The following LRRC4C variants were observed in gnomAD, a reference collection of about 807,000 sequenced individuals.
LRRC4C encodes the protein leucine rich repeat containing 4C.
LRRC4C carries 5 observed loss-of-function variants against 33.6 expected under a neutral mutation model. The observed-to-expected ratio is 0.15, with a 90% CI of 0.08 to 0.31. LRRC4C has a LOEUF of 0.31. LRRC4C is among the 10% of genes least tolerant of loss of function. The pLI is 1.00. For missense variants in LRRC4C, 560 were observed against 796.7 expected (o/e 0.70, Z 3.58); for synonymous variants, 329 against 302.0 (o/e 1.09, Z -0.93).
chr11:40,881,029 G>A (rs1325304633), intron 2 of LRRC4C, among the ~76,000 whole-genome samples: 1 of 151,886 alleles, frequency 6.6e-6, no homozygotes. Flanking sequence ...CATTATGAGA[G>A]TCTGAATTCA....
chr11:41,020,164 G>A (rs1855863601), intron 1 of LRRC4C, among the ~76,000 whole-genome samples: 1 of 152,026 alleles, frequency 6.6e-6, no homozygotes, highest in Non-Finnish European at 1.5e-5. Context: ...TTTCCAATTT[G>A]TTTTGTGAAT....
At chr11:40,280,362 A>G (rs1342783452) in intron 4 of LRRC4C, among the ~76,000 whole-genome samples, 3 of 152,248 alleles carry the variant, frequency 2.0e-5, no homozygotes, top group African/African-American at 7.2e-5. Context: ...ATGCCGGGAT[A>G]TGAAAGGCTC....
chr11:41,225,616 T>A (rs1947498718), intron 1 of LRRC4C, among the ~76,000 whole-genome samples: 2 of 152,176 alleles, frequency 1.3e-5, no homozygotes, highest in Admixed American at 1.3e-4. Context: ...CTGGGCAACA[T>A]AGTAAGACCC....
At chr11:40,725,158 T>G (rs938742997) in intron 2 of LRRC4C, among the ~76,000 whole-genome samples, 1 of 152,188 alleles carries the variant, frequency 6.6e-6, no homozygotes, top group African/African-American at 2.4e-5. Flanking sequence ...CTAGCATTCC[T>G]GATAAGAACC....
intron 3 of LRRC4C, among the ~76,000 whole-genome samples, chr11:40,483,097 G>C (rs1953672415): frequency 6.6e-6 from 1 of 152,136 alleles, no homozygotes. Flanking sequence ...AGGCACAAGG[G>C]AAACCCTTTT....
chr11:40,936,084 A>G, intron 1 of LRRC4C, among the ~76,000 whole-genome samples: 1 of 116,886 alleles, frequency 8.6e-6, no homozygotes, highest in African/African-American at 3.1e-5. Context: ...TTGAACCTTA[A>G]CTCTGTCCTG....
intron 1 of LRRC4C, among the ~76,000 whole-genome samples, chr11:41,164,507 A>G (rs931634956): frequency 6.6e-6 from 1 of 152,214 alleles, no homozygotes; most frequent in African/African-American, 2.4e-5. Context: ...CCAATAACAT[A>G]GTAATTTACT....
intron 1 of LRRC4C, among the ~76,000 whole-genome samples, chr11:41,175,629 G>A (rs1354715819): frequency 6.6e-6 from 1 of 152,012 alleles, no homozygotes; most frequent in East Asian, 1.9e-4. Flanking sequence ...CAAGAGGGTG[G>A]ATAAATTCAA....
intron 1 of LRRC4C, among the ~76,000 whole-genome samples, chr11:41,098,909 G>GA (rs1008832519): frequency 9.9e-5 from 15 of 151,452 alleles, no homozygotes; most frequent in South Asian, 2.1e-4. Flanking sequence ...ATGGTTTTCT[G>GA]AAAAAAAATT....
chr11:41,426,357 C>T (rs1288255360), intron 1 of LRRC4C: 1 of 152,204 alleles, frequency 6.6e-6, no homozygotes, highest in East Asian at 1.9e-4. Context: ...GTTATTACCT[C>T]CTTGCTGATT....
intron 3 of LRRC4C, among the ~76,000 whole-genome samples, chr11:40,377,077 C>T (rs1177479755): frequency 1.3e-5 from 2 of 151,986 alleles, no homozygotes; most frequent in African/African-American, 4.8e-5. Context: ...ATAAATAGCA[C>T]AGCATGAGAG....
intron 3 of LRRC4C, among the ~76,000 whole-genome samples, chr11:40,390,063 TC>T (rs1949277170): frequency 6.6e-6 from 1 of 152,200 alleles, no homozygotes; most frequent in Non-Finnish European, 1.5e-5. Flanking sequence ...AATTTATGCC[TC>T]TATTTATAGG....
chr11:40,251,261 A>G (rs1354259303), intron 4 of LRRC4C, among the ~76,000 whole-genome samples: 2 of 152,178 alleles, frequency 1.3e-5, no homozygotes, highest in Non-Finnish European at 2.9e-5. Flanking sequence ...ACTATGAAAT[A>G]TAGATTATTC....
chr11:41,247,408 T>C (rs1461581505), intron 1 of LRRC4C, among the ~76,000 whole-genome samples: 2 of 152,256 alleles, frequency 1.3e-5, no homozygotes. Flanking sequence ...TGCTTTTCAA[T>C]GTCTACTTAA....
intron 2 of LRRC4C, among the ~76,000 whole-genome samples, chr11:40,706,478 A>G (rs548623751): frequency 1.5e-3 from 225 of 152,258 alleles, no homozygotes; most frequent in Middle Eastern, 0.01. Flanking sequence ...TCCTTTCCCC[A>G]TTGCTTGTTT....
chr11:40,236,696 C>A (rs912611696), intron 5 of LRRC4C, among the ~76,000 whole-genome samples: 4 of 152,082 alleles, frequency 2.6e-5, no homozygotes, highest in Non-Finnish European at 1.5e-5. Flanking sequence ...GTTGGAATGG[C>A]AAAGCCATTA....
chr11:40,452,858 A>T (rs962185441), intron 3 of LRRC4C, among the ~76,000 whole-genome samples: 1 of 152,216 alleles, frequency 6.6e-6, no homozygotes, highest in African/African-American at 2.4e-5. Context: ...GCCATAAAAA[A>T]TGATGAGTTC....
chr11:41,188,041 G>A (rs1945773693), intron 1 of LRRC4C, among the ~76,000 whole-genome samples: 1 of 119,216 alleles, frequency 8.4e-6, no homozygotes, highest in Non-Finnish European at 2.1e-5. Context: ...TAGAACAAGA[G>A]TGAACTCAAA....
intron 2 of LRRC4C, among the ~76,000 whole-genome samples, chr11:40,687,650 G>A (rs1042715270): frequency 1.3e-5 from 2 of 152,018 alleles, no homozygotes; most frequent in African/African-American, 4.8e-5. Context: ...ATTAATATAT[G>A]AGAAATGCTA....
Sources: allele counts gnomAD v4.1 joint callset (sites outside exome capture counted in the v4.1 genomes callset), GRCh38; gene constraint gnomAD v4.1.1; transcripts MANE v1.5; gene names NCBI Gene and HGNC (gene_info 2026-07-23, HGNC 2026-07-21).